Variants in COL5A2 observed in about 807,000 individuals in gnomAD.
COL5A2 encodes the protein collagen alpha-2(V) chain.
Under a neutral mutation model 208.2 loss-of-function variants are expected in COL5A2, and 23 were observed. The ratio of observed to expected loss-of-function variants is 0.11; its 90% CI spans 0.08 to 0.16. COL5A2 has a LOEUF of 0.16. Among genes scored for constraint, COL5A2 ranks in the 10% least tolerant of loss-of-function variants. The pLI, the probability that COL5A2 is intolerant of heterozygous loss-of-function variation, is 1.00. For synonymous variants in COL5A2, 625 were observed against 628.5 expected (o/e 0.99, Z 0.08); for missense variants, 1,590 against 1,956.4 (o/e 0.81, Z 3.53).
At chr2:189,034,286 C>T (rs1480624389) in intron 53 of COL5A2, 70 bp from the exon 54 acceptor site, 3 of 1,526,748 alleles carry the variant, frequency 2.0e-6, no homozygotes, top group Admixed American at 1.7e-5. Flanking sequence ...CAGCAACCTT[C>T]CCAGACACTT....
intron 21 of COL5A2, 112 bp downstream of exon 21, chr2:189,067,903 A>AT (rs746921011): frequency 1.2e-5 from 11 of 904,428 alleles, no homozygotes; most frequent in Non-Finnish European, 2.0e-5. Flanking sequence ...ATCTTCCCAC[A>AT]TTTGGATAAG....
the COL5A2 span, among the ~76,000 whole-genome samples, chr2:189,425,728 A>G: frequency 1.3e-5 from 2 of 152,116 alleles, no homozygotes; most frequent in African/African-American, 4.8e-5. Flanking sequence ...TTTCTCATGA[A>G]TGGTTTACAT....
chr2:189,214,360 A>T (rs970904588), intron 1 of COL5A2, among the ~76,000 whole-genome samples: 5 of 152,078 alleles, frequency 3.3e-5, no homozygotes, highest in African/African-American at 7.2e-5. Flanking sequence ...ACTAATAGAG[A>T]TGCCTAATTA....
the COL5A2 span, among the ~76,000 whole-genome samples, chr2:189,268,903 C>A: frequency 6.6e-6 from 1 of 152,048 alleles, no homozygotes; most frequent in Non-Finnish European, 1.5e-5. Context: ...AGTTGCTTAA[C>A]CTTTCAAAGA....
At chr2:189,356,251 T>C in the COL5A2 span, among the ~76,000 whole-genome samples, 1 of 152,164 alleles carries the variant, frequency 6.6e-6, no homozygotes, top group African/African-American at 2.4e-5. Context: ...TTATGTGTCT[T>C]GGGGTTGCTC....
intron 1 of COL5A2, among the ~76,000 whole-genome samples, chr2:189,134,614 A>T (rs1295644456): frequency 6.6e-6 from 1 of 152,154 alleles, no homozygotes; most frequent in Non-Finnish European, 1.5e-5. Flanking sequence ...AAAGTACATC[A>T]TTGTCAACAG....
At chr2:189,202,851 A>T (rs557156102) in intron 1 of COL5A2, among the ~76,000 whole-genome samples, 4 of 152,276 alleles carry the variant, frequency 2.6e-5, no homozygotes, top group Admixed American at 2.6e-4. Context: ...TGATTTCACT[A>T]CCTATTAAAC....
chr2:189,075,559 C>A (rs530140191), intron 16 of COL5A2, 122 bp from the exon 17 acceptor site: 1 of 717,114 alleles, frequency 1.4e-6, no homozygotes, highest in Non-Finnish European at 2.5e-6. Flanking sequence ...AGTTAACTGA[C>A]AATAACCCTC....
chr2:189,175,630 G>A (rs774043129), intron 1 of COL5A2, among the ~76,000 whole-genome samples: 7 of 146,798 alleles, frequency 4.8e-5, no homozygotes, highest in South Asian at 2.1e-4. Flanking sequence ...TGCAACCTCC[G>A]CCTCCCGGGT....
chr2:189,380,665 A>C, the COL5A2 span, among the ~76,000 whole-genome samples: 1 of 151,898 alleles, frequency 6.6e-6, no homozygotes, highest in South Asian at 2.1e-4. Flanking sequence ...AAAGAATGAT[A>C]GACCAAAGAA....
chr2:189,155,453 C>A (rs1474063904), intron 1 of COL5A2, among the ~76,000 whole-genome samples: 2 of 152,180 alleles, frequency 1.3e-5, no homozygotes, highest in Admixed American at 1.3e-4. Flanking sequence ...TTCTCCAGAA[C>A]AGCACTGTCC....
intron 3 of COL5A2, among the ~76,000 whole-genome samples, chr2:189,103,308 G>T (rs1687083014): frequency 6.6e-6 from 1 of 152,042 alleles, no homozygotes; most frequent in Admixed American, 6.6e-5. Flanking sequence ...ACAAATTTAT[G>T]ATATTGCCCT....
At chr2:189,252,581 G>A in the COL5A2 span, among the ~76,000 whole-genome samples, 1 of 151,936 alleles carries the variant, frequency 6.6e-6, no homozygotes, top group African/African-American at 2.4e-5. Context: ...TTGGACACAG[G>A]AAGGGGAACA....
chr2:189,226,948 T>C (rs1046308285), upstream of COL5A2, among the ~76,000 whole-genome samples: 2 of 152,252 alleles, frequency 1.3e-5, no homozygotes, highest in Non-Finnish European at 2.9e-5. Context: ...GGGCCCACCA[T>C]AGGATGGCAG....
At chr2:189,059,565 C>G (rs1685976679) in intron 31 of COL5A2, among the ~76,000 whole-genome samples, 1 of 81,102 alleles carries the variant, frequency 1.2e-5, no homozygotes, top group Admixed American at 1.3e-4. Context: ...TCCTTAAAAA[C>G]CCTTCTTTTT....
chr2:189,240,238 G>C, the COL5A2 span, among the ~76,000 whole-genome samples: 6 of 152,160 alleles, frequency 3.9e-5, no homozygotes, highest in East Asian at 1.2e-3. Flanking sequence ...GTTTCTTATA[G>C]TTCTGGTGGC....
chr2:189,299,462 A>G, the COL5A2 span, among the ~76,000 whole-genome samples: 66 of 152,344 alleles, frequency 4.3e-4, no homozygotes, highest in Non-Finnish European at 9.3e-4. Flanking sequence ...TGCAAAGAAG[A>G]AGAACTGCTG....
chr2:189,293,537 C>T, the COL5A2 span, among the ~76,000 whole-genome samples: 2 of 152,132 alleles, frequency 1.3e-5, no homozygotes, highest in African/African-American at 4.8e-5. Context: ...TCCTAACCCA[C>T]AAGGTTAGGA....
At chr2:189,367,123 A>G in the COL5A2 span, among the ~76,000 whole-genome samples, 4 of 152,194 alleles carry the variant, frequency 2.6e-5, no homozygotes, top group African/African-American at 9.7e-5. Flanking sequence ...CTATATTCCA[A>G]TGACATTCTG....
Sources: gnomAD v4.1 joint callset for allele counts (sites outside exome capture counted in the v4.1 genomes callset) on GRCh38, gnomAD v4.1.1 for gene constraint, MANE v1.5 for transcripts, NCBI Gene and HGNC (gene_info 2026-07-23, HGNC 2026-07-21) for gene names.